The following MUC6 variants were observed in gnomAD, a reference collection of about 807,000 sequenced individuals.
The protein encoded by MUC6 is mucin-6.
A neutral mutation model predicts 201.5 loss-of-function variants in MUC6; 188 were observed. The observed-to-expected ratio is 0.93, with a 90% CI of 0.83 to 1.05. MUC6 has a LOEUF of 1.05. Ranked by LOEUF, MUC6 falls within the 50% of genes least tolerant of loss-of-function variation. MUC6 has a pLI of 0.00. For missense variants in MUC6, 2,706 were observed against 3,256.9 expected, an observed-to-expected ratio of 0.83 and a Z score of 4.12; for synonymous variants, 1,228 against 1,389.4, an observed-to-expected ratio of 0.88 and a Z score of 2.58.
chr11:1,033,807 A>G lies in MUC6; in HGVS notation c.53-732T>C, dbSNP rs770709044. Among the ~76,000 whole-genome samples the G allele has an allele frequency of 1.3e-5, 2 of 151,678 alleles. No homozygotes were observed. Among genetic ancestry groups the G allele is most frequent in the Non-Finnish European group, 2.9e-5 (2 of 67,866 alleles). Reference sequence around the variant, plus strand: ...CTCCCCGGACCCTGCCTCCGAGACTATGACCCTTCCTGTGGCTCCCACGAG... The same window carrying G: ...CTCCCCGGACCCTGCCTCCGAGACTGTGACCCTTCCTGTGGCTCCCACGAG... On this transcript the variant is annotated intron_variant, in intron 1 of 32. Transcript: ENST00000421673. This position sits in a 1 kb window ranked among gnomAD's most constrained non-coding sequence, Gnocchi z 5.6.
chr11:1,015,806 G>C lies in MUC6; in HGVS notation c.6995C>G (p.Ser2332Cys). Residue 2332 changes from serine (S) to cysteine (C), a missense_variant, in exon 31 of 33, where the codon TCT becomes TGT. Ser to Cys is a moderately radical substitution (Grantham distance 112). This residue lies in a region of MUC6 where 586 missense variants were observed against 488.0 expected (regional missense o/e 1.20). Coordinates refer to ENST00000421673, the MANE Select transcript of MUC6 (RefSeq NM_005961.3). ...SLTAHGSTPA[S>C]APVSSLGTPT... ...TGTCCCGAGAGAAGATACCGGGGCA[G>C]AAGCAGGGGTGCTTCCATGGGCAGT... The C allele has an allele frequency of 1.9e-6, 3 of 1,559,590 alleles. No homozygotes were observed. Among genetic ancestry groups the C allele is most frequent in the Non-Finnish European group, 2.6e-6 (3 of 1,151,236 alleles).
chr11:1,032,964 C>T lies in MUC6; in HGVS notation c.115+49G>A, dbSNP rs372835303. ...CTCCGGGCCCCTCTCTCCTGCACAC[C>T]GGGCCTGGGTGGTCTGGGCGGCAGG... On this transcript the variant is annotated intron_variant, in intron 2 of 32. Coordinates refer to ENST00000421673, the MANE Select transcript of MUC6 (RefSeq NM_005961.3). 280 of 1,525,764 alleles carry T rather than the reference C, an allele frequency of 1.8e-4. 1 individual carries two copies. Among genetic ancestry groups the T allele is most frequent in the Non-Finnish European group, 2.2e-4 (245 of 1,124,834 alleles). 94.5% of individuals were successfully genotyped at this position (1,525,764 alleles called of 1,614,324 possible).
intron 26 of MUC6, 119 bp downstream of exon 26, chr11:1,023,386 ATGTG>A (rs879870864): frequency 8.9e-6 from 11 of 1,235,076 alleles, no homozygotes; most frequent in South Asian, 7.3e-5. Flanking sequence ...AAATTAATGA[ATGTG>A]TGAATTAATG....
rs1857108856 is a variant in MUC6 at position 1,031,713 on chromosome 11, G to A, written c.377C>T (p.Thr126Ile). ...GGGTGTGATCTGGAGTCCATTGCTGGTATAGGGCAGGCTGATGACCCTGTG... is the reference window on the plus strand; with the variant it reads ...GGGTGTGATCTGGAGTCCATTGCTGATATAGGGCAGGCTGATGACCCTGTG... Reference protein sequence around the residue: ...KDIGVISLPYTSNGLQITPFG... With the variant: ...KDIGVISLPYISNGLQITPFG... Residue 126 changes from threonine (T) to isoleucine (I), a missense_variant, in exon 4 of 33, where the codon ACC becomes ATC. Physicochemically the swap from Thr to Ile is moderately conservative, Grantham distance 89 (BLOSUM62 -1). This residue lies in a region of MUC6 where 1,850 missense variants were observed against 1,958.3 expected (regional missense o/e 0.94). Transcript: ENST00000421673. The A allele has an allele frequency of 1.3e-6, 2 of 1,550,784 alleles. No individual in the cohort carries two copies. The highest frequency in any genetic ancestry group is 1.7e-6 in the Non-Finnish European group (2 of 1,147,004).
chr11:1,035,370 C>T (rs1179572905), intron 1 of MUC6, among the ~76,000 whole-genome samples: 1 of 152,232 alleles, frequency 6.6e-6, no homozygotes, highest in Non-Finnish European at 1.5e-5. Context: ...TTTAGCCCCA[C>T]TTCCTGGCAC....
intron 22 of MUC6, 133 bp from the exon 23 acceptor site, chr11:1,025,500 C>G: frequency 1.8e-6 from 2 of 1,108,790 alleles, no homozygotes. Context: ...CTGCTGAGAG[C>G]CAGCTTGGGG....
intron 1 of MUC6, among the ~76,000 whole-genome samples, chr11:1,035,146 G>C (rs1210195263): frequency 6.6e-6 from 1 of 152,142 alleles, no homozygotes; most frequent in Admixed American, 6.6e-5. Flanking sequence ...CCGTCTGTCC[G>C]ACCCCACACT....
chr11:1,018,897 C>A, intron 30 of MUC6, 127 bp from the exon 31 acceptor site: 1 of 1,229,518 alleles, frequency 8.1e-7, no homozygotes, highest in Non-Finnish European at 1.1e-6. Context: ...GTGACATGGC[C>A]CCTGCTGGGC....
chr11:1,016,559 G>T lies in MUC6; in HGVS notation c.6242C>A (p.Ala2081Asp). Residue 2081 changes from alanine (A) to aspartate (D), a missense_variant, in exon 31 of 33, where the codon GCT becomes GAT. Transcript: ENST00000421673. ...GGATATGAAGGAAGAAGAGGCTGTAGCTGTGCTGAATGAGCTGTGGGTTTG... is the reference window on the plus strand; with the variant it reads ...GGATATGAAGGAAGAAGAGGCTGTATCTGTGCTGAATGAGCTGTGGGTTTG... Reference protein sequence around the residue: ...TSQTHSSFSTATASSSFISSS... With the variant: ...TSQTHSSFSTDTASSSFISSS... 3.4e-6 allele frequency: 5 copies of T among 1,474,364 alleles called. No individual in the cohort carries two copies. The highest frequency in any genetic ancestry group is 4.5e-6 in the Non-Finnish European group (5 of 1,106,706). 91.3% of individuals were successfully genotyped at this position (1,474,364 alleles called of 1,614,324 possible). A position where few individuals can be genotyped will look rare whatever the true frequency, so the allele number is the denominator to read the frequency against.
chr11:1,028,950 C>A lies in MUC6; in HGVS notation c.1392G>T (p.Val464=), dbSNP rs368634252. The A allele has an allele frequency of 6.2e-6, 10 of 1,613,146 alleles. No individual in the cohort carries two copies. Among genetic ancestry groups the A allele is most frequent in the Non-Finnish European group, 8.5e-6 (10 of 1,179,878 alleles). ...VVYLSRQDKI[V]ISQDEVVTNN... Reference sequence around the variant, plus strand: ...TGGTGACCACCTCGTCCTGAGAGATCACAATTTTGTCCTGGAGAGAGGGTG... The same window carrying A: ...TGGTGACCACCTCGTCCTGAGAGATAACAATTTTGTCCTGGAGAGAGGGTG... Residue 464 remains valine (V), a synonymous_variant, in exon 12 of 33, where the codon GTG becomes GTT. Coordinates refer to ENST00000421673, the MANE Select transcript of MUC6 (RefSeq NM_005961.3).
rs184753662 is a variant in MUC6 at position 1,028,810 on chromosome 11, G to C, written c.1454-27C>G. 98 of 1,608,902 alleles carry C rather than the reference G, an allele frequency of 6.1e-5. 1 individual carries two copies. The South Asian group carries it at 1.1e-3, about 17-fold the overall frequency. On this transcript the variant is annotated intron_variant, in intron 12 of 32. Transcript: ENST00000421673. ...TGCAGGACGCAGTGCTCAGTGGGCC[G>C]TCTGGGCTCCCTCCCCACCCACTGC...
In MUC6 at chr11:1,013,448, C is replaced by T. The variant is rs756965075; in HGVS notation, c.*8G>A. The T allele has an allele frequency of 1.8e-5, 28 of 1,567,226 alleles. No individual in the cohort carries two copies. Among genetic ancestry groups the T allele is most frequent in the African/African-American group, 4.1e-5 (3 of 73,634 alleles). Reference sequence around the variant, plus strand: ...CCTTCAGCCCCAGGAGAGCAGGCAGCGACCCTGCTAGTCTCCACAGGCCAC... The same window carrying T: ...CCTTCAGCCCCAGGAGAGCAGGCAGTGACCCTGCTAGTCTCCACAGGCCAC... On this transcript the variant is annotated 3_prime_UTR_variant, in exon 33 of 33. Coordinates refer to ENST00000421673, the MANE Select transcript of MUC6 (RefSeq NM_005961.3).
Position 1,025,857 on chromosome 11 carries a change from A to C in MUC6, c.2747T>G (p.Ile916Ser). 1 of 1,613,030 alleles carries C rather than the reference A, an allele frequency of 6.2e-7. No homozygotes were observed. The highest frequency in any genetic ancestry group is 8.5e-7 in the Non-Finnish European group (1 of 1,179,762). Residue 916 changes from isoleucine (I) to serine (S), a missense_variant, in exon 22 of 33, where the codon ATC becomes AGC. By Grantham distance (142) the Ile-to-Ser change is moderately radical. Coordinates refer to ENST00000421673, the MANE Select transcript of MUC6 (RefSeq NM_005961.3). ...PTFKILTENV[I>S]CGNSGVTCSR... ...GCATGTGACCCCGGAGTTCCCACAG[A>C]TGACGTTCTCTGTCAGGATCTTGAA...
intron 26 of MUC6, among the ~76,000 whole-genome samples, chr11:1,023,132 C>T (rs780547143): frequency 2.1e-5 from 3 of 144,854 alleles, no homozygotes; most frequent in Non-Finnish European, 3.0e-5. Context: ...CATGAGTGTG[C>T]GTGAATGTGC....
chr11:1,019,606 C>G (rs1856763327), intron 29 of MUC6, 110 bp from the exon 30 acceptor site: 2 of 985,604 alleles, frequency 2.0e-6, no homozygotes, highest in Non-Finnish European at 3.1e-6. Flanking sequence ...CTGTCCGGGA[C>G]TCAGCCTCCT....
At chr11:1,030,384 T>TCCCTGCCCCA (rs1349114135) in intron 7 of MUC6, 49 bp from the exon 8 acceptor site, 12 of 865,444 alleles carry the variant, frequency 1.4e-5, no homozygotes, top group Middle Eastern at 3.8e-4. Context: ...CCCCCACCCC[T>TCCCTGCCCCA]CCCTGCCCCA....
intron 12 of MUC6, 43 bp from the exon 13 acceptor site, chr11:1,028,826 C>T (rs373407113): frequency 4.0e-5 from 65 of 1,609,200 alleles, no homozygotes; most frequent in Non-Finnish European, 4.8e-5. Context: ...GCTCCCTCCC[C>T]ACCCACTGCA....
intron 26 of MUC6, among the ~76,000 whole-genome samples, chr11:1,022,455 CT>C (rs1015751744): frequency 6.6e-6 from 1 of 152,254 alleles, no homozygotes; most frequent in Non-Finnish European, 1.5e-5. Flanking sequence ...CCTCTGGACA[CT>C]TTCCTGGCTC....
intron 31 of MUC6, among the ~76,000 whole-genome samples, chr11:1,014,722 C>T (rs1278753119): frequency 1.3e-5 from 2 of 152,148 alleles, no homozygotes; most frequent in Non-Finnish European, 2.9e-5. Context: ...CCTGGCTGCT[C>T]CCAGCTTCGT....
Sources: gnomAD v4.1 joint callset for allele counts (sites outside exome capture counted in the v4.1 genomes callset) on GRCh38, gnomAD v4.1.1 for gene constraint, gnomAD v4.1.1 regional missense constraint, Gnocchi (gnomAD v3.1) non-coding constraint, MANE v1.5 for transcripts, NCBI Gene and HGNC (gene_info 2026-07-23, HGNC 2026-07-21) for gene names.